The following MUSK variants were observed in gnomAD, a reference collection of about 807,000 sequenced individuals.
MUSK encodes the protein muscle, skeletal receptor tyrosine-protein kinase.
Under a neutral mutation model 88.7 loss-of-function variants are expected in MUSK, and 55 were observed. That is an observed-to-expected ratio of 0.62 (90% CI 0.50 to 0.78). The LOEUF is 0.78. Among genes scored for constraint, MUSK ranks in the 30% least tolerant of loss-of-function variants. The probability of loss-of-function intolerance (pLI) is 0.00; values close to 1 mark genes in which losing one functional copy is unlikely to be tolerated. For synonymous variants in MUSK, 387 were observed against 391.9 expected (o/e 0.99, Z 0.15); for missense variants, 1,015 against 1,074.3 (o/e 0.94, Z 0.77).
rs369023786 is a variant in MUSK, at chr9:110,767,851, G to A, written c.952G>A (p.Ala318Thr). 36 of 1,613,804 alleles carry A rather than the reference G, an allele frequency of 2.2e-5. No homozygotes were observed. The highest frequency in any genetic ancestry group is 1.6e-4 in the Middle Eastern group (1 of 6,084). The change falls in exon 9 of 15, where the codon GCC becomes ACC. Residue 318 changes from alanine to threonine, a missense_variant. By Grantham distance (58) the Ala-to-Thr change is moderately conservative. Transcript: ENST00000374448. ...ACAGAAAGATAACAAAGGCTACTGCGCCCAGTACAGAGGGGAGGTGTGTAA... is the reference window on the plus strand; with the variant it reads ...ACAGAAAGATAACAAAGGCTACTGCACCCAGTACAGAGGGGAGGTGTGTAA... ...KPQKDNKGYC[A>T]QYRGEVCNAV...
chr9:110,722,167 T>C (rs946866456), intron 5 of MUSK, among the ~76,000 whole-genome samples: 11 of 152,134 alleles, frequency 7.2e-5, no homozygotes, highest in Non-Finnish European at 1.3e-4. Flanking sequence ...AAAACTCTTC[T>C]AGACATTGGC....
chr9:110,727,020 G>A (rs56275022), intron 5 of MUSK, among the ~76,000 whole-genome samples: 3,359 of 152,084 alleles, frequency 0.022, 129 homozygotes, highest in African/African-American at 0.073. Flanking sequence ...GAACCGTTAC[G>A]AATATTGTAA....
intron 14 of MUSK, 93 bp downstream of exon 14, chr9:110,787,931 T>C: frequency 7.2e-7 from 1 of 1,391,780 alleles, no homozygotes; most frequent in South Asian, 1.2e-5. Flanking sequence ...CTTTTCTCCT[T>C]GATCAGTGAG....
chr9:110,685,517 A>G (rs2076184930), intron 2 of MUSK, among the ~76,000 whole-genome samples: 1 of 152,106 alleles, frequency 6.6e-6, no homozygotes, highest in Non-Finnish European at 1.5e-5. Flanking sequence ...TTTCTTAGAA[A>G]TTTCCTCAGC....
intron 4 of MUSK, among the ~76,000 whole-genome samples, 173 bp from the exon 5 acceptor site, chr9:110,697,152 C>T (rs2076441201): frequency 1.3e-5 from 2 of 151,126 alleles, no homozygotes; most frequent in African/African-American, 4.9e-5. Flanking sequence ...AATTTAGGTA[C>T]TCTTGCACTA....
At chr9:110,782,949 G>A (rs2077787640) in intron 11 of MUSK, among the ~76,000 whole-genome samples, 1 of 152,122 alleles carries the variant, frequency 6.6e-6, no homozygotes, top group Non-Finnish European at 1.5e-5. Context: ...GCATCCGCAG[G>A]CTTCAGAATC....
At chr9:110,717,122 T>C (rs2076754681) in intron 5 of MUSK, among the ~76,000 whole-genome samples, 1 of 149,076 alleles carries the variant, frequency 6.7e-6, no homozygotes, top group Non-Finnish European at 1.5e-5. Context: ...TGAAAATTTA[T>C]TTCTATTATT....
chr9:110,689,806 A>ATAACTATATAAATATATAAATATG (rs2076285551), intron 3 of MUSK, among the ~76,000 whole-genome samples: 1 of 83,082 alleles, frequency 1.2e-5, no homozygotes, highest in South Asian at 4.2e-4. Flanking sequence ...TATATAATAT[A>ATAACTATATAAATATATAAATATG]TAACTATATA....
intron 5 of MUSK, 74 bp downstream of exon 5, chr9:110,697,540 C>A (rs2076448709): frequency 1.3e-6 from 2 of 1,486,608 alleles, no homozygotes; most frequent in South Asian, 1.5e-5. Context: ...TGCACCTGGG[C>A]TTGGGAGAGA....
intron 7 of MUSK, among the ~76,000 whole-genome samples, chr9:110,759,743 G>C (rs1336239719): frequency 6.6e-6 from 1 of 152,194 alleles, no homozygotes; most frequent in Non-Finnish European, 1.5e-5. Context: ...CTAATCATTA[G>C]AGAAATGCAA....
At chr9:110,730,440 T>C (rs2076948744) in intron 5 of MUSK, among the ~76,000 whole-genome samples, 1 of 152,088 alleles carries the variant, frequency 6.6e-6, no homozygotes, top group African/African-American at 2.4e-5. Context: ...AAAAACACTT[T>C]TATATTCTTT....
chr9:110,780,160 T>C (rs1325640801), intron 11 of MUSK, among the ~76,000 whole-genome samples: 1 of 152,238 alleles, frequency 6.6e-6, no homozygotes, highest in Non-Finnish European at 1.5e-5. Context: ...ATCTTAACTG[T>C]ATATTTTCTA....
intron 9 of MUSK, among the ~76,000 whole-genome samples, chr9:110,769,504 G>A (rs1166181665): frequency 6.6e-6 from 1 of 152,144 alleles, no homozygotes; most frequent in African/African-American, 2.4e-5. Context: ...AATGGGAAGA[G>A]TGGGTGAGGG....
At chr9:110,755,136 G>C (rs1587995153) in intron 7 of MUSK, among the ~76,000 whole-genome samples, 1 of 152,142 alleles carries the variant, frequency 6.6e-6, no homozygotes, top group East Asian at 1.9e-4. Flanking sequence ...AAATGTTAGA[G>C]ACATCTTGAT....
In MUSK at chr9:110,746,513, T is replaced by A. The variant is rs765789991; in HGVS notation, c.754-1128T>A. Among the ~76,000 whole-genome samples the A allele has an allele frequency of 3.0e-4, 45 of 152,140 alleles. 1 individual carries two copies. Among genetic ancestry groups the A allele is most frequent in the Non-Finnish European group, 5.0e-4 (34 of 68,038 alleles). ...GACACGCTAGGATGCAAATTCTAAC[T>A]ATGCAACCTTGTAAAATGTGCTGGG... On this transcript the variant is annotated intron_variant, in intron 6 of 14. Transcript: ENST00000374448.
At chr9:110,709,790 C>G (rs999544299) in intron 5 of MUSK, among the ~76,000 whole-genome samples, 1 of 151,990 alleles carries the variant, frequency 6.6e-6, no homozygotes, top group South Asian at 2.1e-4. Context: ...AGAATAATAA[C>G]CAACTTTAAA....
chr9:110,683,120 C>T (rs370001378), intron 2 of MUSK, among the ~76,000 whole-genome samples: 4 of 151,948 alleles, frequency 2.6e-5, no homozygotes, highest in African/African-American at 9.7e-5. Flanking sequence ...CTACTCCCCC[C>T]GATCCCTGTA....
chr9:110,696,607 A>G (rs1430365623), intron 4 of MUSK, among the ~76,000 whole-genome samples: 1 of 152,156 alleles, frequency 6.6e-6, no homozygotes, highest in Non-Finnish European at 1.5e-5. Context: ...TACAATGACA[A>G]ACAAGGGTGG....
At chr9:110,669,038 G>C (rs1328491236) in intron 1 of MUSK, 55 bp downstream of exon 1, 1 of 1,459,940 alleles carries the variant, frequency 6.8e-7, no homozygotes, top group Non-Finnish European at 9.6e-7. Flanking sequence ...TAAAGTGTGT[G>C]TATATGAGAT....
Sources: gnomAD v4.1 joint callset for allele counts (sites outside exome capture counted in the v4.1 genomes callset) on GRCh38, gnomAD v4.1.1 for gene constraint, MANE v1.5 for transcripts, NCBI Gene and HGNC (gene_info 2026-07-23, HGNC 2026-07-21) for gene names.